Variants in ATXN1 observed in about 807,000 individuals in gnomAD.
ATXN1 encodes the protein ataxin-1.
ATXN1 carries 8 observed loss-of-function variants against 56.4 expected under a neutral mutation model. The ratio of observed to expected loss-of-function variants is 0.14; its 90% confidence interval spans 0.08 to 0.26. The LOEUF is 0.26. Among genes scored for constraint, ATXN1 ranks in the 10% least tolerant of loss-of-function variants. The pLI is 1.00. For missense variants in ATXN1, 987 were observed against 1,106.5 expected, an observed-to-expected ratio of 0.89 and a Z score of 1.53; for synonymous variants, 514 against 494.6, an observed-to-expected ratio of 1.04 and a Z score of -0.52.
At chr6:16,658,895 G>A (rs752317359) in intron 2 of ATXN1, among the ~76,000 whole-genome samples, 8 of 152,152 alleles carry the variant, frequency 5.3e-5, no homozygotes, top group Non-Finnish European at 8.8e-5. Flanking sequence ...AAGGTCCCAC[G>A]GTGATCATCA....
chr6:16,599,280 G>A (rs996219386), intron 3 of ATXN1, among the ~76,000 whole-genome samples: 3 of 152,124 alleles, frequency 2.0e-5, no homozygotes, highest in Admixed American at 6.6e-5. Flanking sequence ...GGCCACAGAG[G>A]ACTAAAAGTG....
chr6:16,627,656 G>A (rs1016197228), intron 3 of ATXN1, among the ~76,000 whole-genome samples: 1 of 152,162 alleles, frequency 6.6e-6, no homozygotes, highest in African/African-American at 2.4e-5. Flanking sequence ...GAACCTGGGA[G>A]GCAGAGGCTG....
intron 7 of ATXN1, among the ~76,000 whole-genome samples, chr6:16,308,690 G>A (rs1318627319): frequency 2.6e-5 from 4 of 152,040 alleles, no homozygotes; most frequent in African/African-American, 9.7e-5. Flanking sequence ...ACTGGATTAA[G>A]GTCTTGAATT....
chr6:16,561,969 G>A (rs1188428613), intron 4 of ATXN1, among the ~76,000 whole-genome samples: 1 of 152,142 alleles, frequency 6.6e-6, no homozygotes, highest in Non-Finnish European at 1.5e-5. Flanking sequence ...CACTTAGGCA[G>A]AATCTACTTT....
At chr6:16,478,799 A>G (rs866400622) in intron 6 of ATXN1, among the ~76,000 whole-genome samples, 2 of 152,206 alleles carry the variant, frequency 1.3e-5, no homozygotes, top group South Asian at 4.1e-4. Context: ...GAGCAACCTA[A>G]TGGAAACTTT....
intron 3 of ATXN1, among the ~76,000 whole-genome samples, chr6:16,624,047 T>C (rs1272914725): frequency 6.6e-6 from 1 of 152,096 alleles, no homozygotes; most frequent in Non-Finnish European, 1.5e-5. Context: ...AATTTCAATT[T>C]TGCAAAATAA....
chr6:16,459,074 C>T (rs1248553526), intron 6 of ATXN1, among the ~76,000 whole-genome samples: 1 of 152,222 alleles, frequency 6.6e-6, no homozygotes, highest in Non-Finnish European at 1.5e-5. Context: ...GTATTTCTCC[C>T]ACCTCCTCAG....
At chr6:16,743,483 C>T (rs192975893) in intron 2 of ATXN1, among the ~76,000 whole-genome samples, 254 of 152,334 alleles carry the variant, frequency 1.7e-3, no homozygotes, top group Non-Finnish European at 3.1e-3. Flanking sequence ...ATATACATCA[C>T]AGTCCATATT....
chr6:16,634,215 G>A (rs1407098159), intron 3 of ATXN1, among the ~76,000 whole-genome samples: 2 of 151,982 alleles, frequency 1.3e-5, no homozygotes, highest in Non-Finnish European at 2.9e-5. Flanking sequence ...ATCTAGTTCT[G>A]GCATCCATGC....
At chr6:16,471,066 A>G (rs1760207128) in intron 6 of ATXN1, among the ~76,000 whole-genome samples, 1 of 152,112 alleles carries the variant, frequency 6.6e-6, no homozygotes, top group South Asian at 2.1e-4. Flanking sequence ...ACCACTGGAA[A>G]CAAACTGCGC....
chr6:16,613,003 C>T (rs569126067), intron 3 of ATXN1, among the ~76,000 whole-genome samples: 1 of 151,704 alleles, frequency 6.6e-6, no homozygotes, highest in Non-Finnish European at 1.5e-5. Flanking sequence ...CGGTGGCTCA[C>T]GCCTGTAATC....
chr6:16,643,262 A>T (rs1025621846), intron 3 of ATXN1, among the ~76,000 whole-genome samples: 1 of 151,762 alleles, frequency 6.6e-6, no homozygotes, highest in Admixed American at 6.6e-5. Flanking sequence ...CAAAAAAAAA[A>T]AAAAAAGACA....
At chr6:16,439,738 G>A (rs1411232331) in intron 6 of ATXN1, among the ~76,000 whole-genome samples, 5 of 152,134 alleles carry the variant, frequency 3.3e-5, no homozygotes, top group African/African-American at 1.2e-4. Flanking sequence ...TTAATCCAGA[G>A]GCATAGTATT....
chr6:16,730,504 T>TATATATATATATATATATATATAA (rs1561826415), intron 2 of ATXN1, among the ~76,000 whole-genome samples: 2 of 147,274 alleles, frequency 1.4e-5, no homozygotes, highest in African/African-American at 4.9e-5. Flanking sequence ...TATATATATA[T>TATATATATATATATATATATATAA]ATAAATGTAT....
chr6:16,366,657 T>C (rs1394671378), intron 6 of ATXN1, among the ~76,000 whole-genome samples: 2 of 151,660 alleles, frequency 1.3e-5, no homozygotes, highest in Admixed American at 1.3e-4. Flanking sequence ...GGCGGGCACC[T>C]GTAATCCCAG....
At chr6:16,603,739 G>A (rs1295146193) in intron 3 of ATXN1, among the ~76,000 whole-genome samples, 2 of 152,194 alleles carry the variant, frequency 1.3e-5, no homozygotes, top group Admixed American at 1.3e-4. Flanking sequence ...GGAAGTAGGT[G>A]AGGCACAGCA....
chr6:16,645,958 G>A (rs1763792203), intron 3 of ATXN1, among the ~76,000 whole-genome samples: 1 of 152,214 alleles, frequency 6.6e-6, no homozygotes, highest in African/African-American at 2.4e-5. Context: ...GGTGGCACAT[G>A]CCCATAATCC....
chr6:16,628,830 G>C (rs1763453436), intron 3 of ATXN1, among the ~76,000 whole-genome samples: 1 of 152,154 alleles, frequency 6.6e-6, no homozygotes, highest in African/African-American at 2.4e-5. Context: ...GTATTCCATG[G>C]TAATATGTAC....
chr6:16,671,354 A>G (rs1758538272), intron 2 of ATXN1, among the ~76,000 whole-genome samples: 1 of 151,536 alleles, frequency 6.6e-6, no homozygotes, highest in Non-Finnish European at 1.5e-5. Context: ...AGAGAAGTAC[A>G]AAAGAGCTAC....
Sources: gnomAD v4.1 joint callset for allele counts (sites outside exome capture counted in the v4.1 genomes callset) on GRCh38, gnomAD v4.1.1 for gene constraint, MANE v1.5 for transcripts, NCBI Gene and HGNC (gene_info 2026-07-23, HGNC 2026-07-21) for gene names.